Variants in BAIAP2L2 observed in about 807,000 individuals in gnomAD.
BAIAP2L2 encodes the protein BAR/IMD domain-containing adapter protein 2-like 2.
Under a neutral mutation model 60.4 loss-of-function variants are expected in BAIAP2L2, and 65 were observed. The ratio of observed to expected loss-of-function variants is 1.08; its 90% CI spans 0.88 to 1.32. BAIAP2L2 has a LOEUF of 1.32. Ranked by LOEUF, BAIAP2L2 falls within the 40% of genes most tolerant of loss-of-function variation. The pLI, the probability that BAIAP2L2 is intolerant of heterozygous loss-of-function variation, is 0.00. For synonymous variants in BAIAP2L2, 344 were observed against 301.7 expected, an observed-to-expected ratio of 1.14 and a Z score of -1.45; for missense variants, 836 against 741.2, an observed-to-expected ratio of 1.13 and a Z score of -1.48.
chr22:38,100,526 CAATA>C (rs56224721), intron 4 of BAIAP2L2, among the ~76,000 whole-genome samples: 17,657 of 139,726 alleles, frequency 0.13, 1,298 homozygotes, highest in Non-Finnish European at 0.16. Context: ...AACTCCGTCT[CAATA>C]AATAAATAAA....
intron 4 of BAIAP2L2, among the ~76,000 whole-genome samples, chr22:38,101,908 T>A (rs2086576982): frequency 1.3e-5 from 2 of 151,348 alleles, no homozygotes; most frequent in African/African-American, 4.9e-5. Context: ...AAGAAAAAAA[T>A]AAACTCAAGA....
chr22:38,092,718 T>C (rs1602006083), intron 7 of BAIAP2L2, among the ~76,000 whole-genome samples: 1 of 152,164 alleles, frequency 6.6e-6, no homozygotes, highest in Non-Finnish European at 1.5e-5. Flanking sequence ...GTTTGGATAT[T>C]TGTCCTCTCT....
chr22:38,100,354 C>T (rs931274453), intron 4 of BAIAP2L2, among the ~76,000 whole-genome samples: 1 of 151,806 alleles, frequency 6.6e-6, no homozygotes. Context: ...GCTGAAACCC[C>T]GTCTCTACTA....
chr22:38,085,852 C>T, intron 12 of BAIAP2L2, 120 bp from the exon 13 acceptor site: 1 of 1,019,466 alleles, frequency 9.8e-7, no homozygotes, highest in South Asian at 1.6e-5. Context: ...CCCTGCCATG[C>T]CAGGCTCCTG....
chr22:38,085,677 A>G lies in BAIAP2L2; in HGVS notation c.1514+9T>C. On this transcript the variant is annotated intron_variant, in intron 13 of 13. Coordinates refer to ENST00000381669, the MANE Select transcript of BAIAP2L2 (RefSeq NM_025045.6). ...TCCTCACTGTTTGGGCCCCCATGTG[A>G]GGACTCACCTCGGGAAGAGCTCCTG... 6.2e-7 allele frequency: 1 copy of G among 1,613,128 alleles called. No homozygotes were observed. Among genetic ancestry groups the G allele is most frequent in the Non-Finnish European group, 8.5e-7 (1 of 1,179,684 alleles).
chr22:38,110,361 T>A, intron 1 of BAIAP2L2, 114 bp downstream of exon 1: 3 of 1,126,260 alleles, frequency 2.7e-6, no homozygotes, highest in Non-Finnish European at 3.9e-6. Context: ...GGCTCCAGGC[T>A]TCCCTTTCCA....
At chr22:38,106,217 T>C (rs2086661788) in intron 4 of BAIAP2L2, among the ~76,000 whole-genome samples, 2 of 152,144 alleles carry the variant, frequency 1.3e-5, no homozygotes, top group Admixed American at 6.6e-5. Flanking sequence ...GTGCATTTAC[T>C]AATAGAAAGA....
intron 10 of BAIAP2L2, among the ~76,000 whole-genome samples, chr22:38,087,699 A>G (rs2086137801): frequency 6.6e-6 from 1 of 151,388 alleles, no homozygotes; most frequent in Admixed American, 6.6e-5. Flanking sequence ...CCGCCCAGCT[A>G]TGGACCTTCG....
In BAIAP2L2 at chr22:38,110,539, C is replaced by G; in HGVS notation, c.-14G>C. ...CTCGGGGGCCATGGAGGGGCTGTCC[C>G]GGGTCTGAGCAGGAGGCTGGGAGCT... On this transcript the variant is annotated 5_prime_UTR_variant, in exon 1 of 14. Transcript: ENST00000381669. 1 of 1,606,340 alleles carries G rather than the reference C, an allele frequency of 6.2e-7. No individual in the cohort carries two copies. Among genetic ancestry groups the G allele is most frequent in the Non-Finnish European group, 8.5e-7 (1 of 1,176,058 alleles).
chr22:38,102,557 A>G (rs969426879), intron 4 of BAIAP2L2, among the ~76,000 whole-genome samples: 9 of 152,146 alleles, frequency 5.9e-5, no homozygotes, highest in Non-Finnish European at 1.3e-4. Flanking sequence ...AATATGGAAG[A>G]GAATAACATT....
In BAIAP2L2 at chr22:38,085,699, C is replaced by T. The variant is rs1394594680; in HGVS notation, c.1501G>A (p.Glu501Lys). 4 of 1,612,564 alleles carry T rather than the reference C, an allele frequency of 2.5e-6. No homozygotes were observed. The highest frequency in any genetic ancestry group is 2.7e-5 in the African/African-American group (2 of 74,842). ...LMSSEQYPPQELFPRGTNPFA... is the reference protein window; with the variant it reads ...LMSSEQYPPQKLFPRGTNPFA... ...GTGAGGACTCACCTCGGGAAGAGCT[C>T]CTGTGGTGGGTACTGCTCTGAGGAC... is the stretch of plus-strand genomic sequence containing the variant. Residue 501 changes from glutamate to lysine, a missense_variant, in exon 13 of 14, where the codon GAG (glutamate) becomes AAG (lysine). Coordinates refer to ENST00000381669, the MANE Select transcript of BAIAP2L2 (RefSeq NM_025045.6).
At chr22:38,106,656 A>G in intron 4 of BAIAP2L2, among the ~76,000 whole-genome samples, 1 of 151,952 alleles carries the variant, frequency 6.6e-6, no homozygotes. Context: ...ATTAGTTAAA[A>G]TTTCCTTCCG....
At chr22:38,096,638 A>G (rs933113075) in intron 7 of BAIAP2L2, among the ~76,000 whole-genome samples, 3 of 152,182 alleles carry the variant, frequency 2.0e-5, no homozygotes, top group African/African-American at 7.2e-5. Flanking sequence ...CTGGGCAACA[A>G]GAGTGAAACT....
At chr22:38,108,855 G>C (rs1355999390) in intron 2 of BAIAP2L2, among the ~76,000 whole-genome samples, 1 of 151,976 alleles carries the variant, frequency 6.6e-6, no homozygotes, top group East Asian at 1.9e-4. Flanking sequence ...GGCTGTGTGG[G>C]CCTGCAGGGC....
In BAIAP2L2 at chr22:38,107,896, T is replaced by G. The variant is rs769750322; in HGVS notation, c.232A>C (p.Met78Leu). ...SQILGEILVQ[M>L]SDTQRHLNSD... ...TTCAAGTGCCGCTGGGTGTCAGACA[T>G]CTGCACCAAGATCTCCCCTGGAGGC... The change falls in exon 4 of 14, where the codon ATG (methionine) becomes CTG (leucine). Residue 78 changes from methionine to leucine, a missense_variant. Met to Leu is a conservative substitution (Grantham distance 15, BLOSUM62 2). Coordinates refer to ENST00000381669, the MANE Select transcript of BAIAP2L2 (RefSeq NM_025045.6). 11 of 1,613,348 alleles carry G rather than the reference T, an allele frequency of 6.8e-6. No homozygotes were observed. Among genetic ancestry groups the G allele is most frequent in the Non-Finnish European group, 9.3e-6 (11 of 1,179,936 alleles).
At chr22:38,095,128 G>T (rs1363397555) in intron 7 of BAIAP2L2, among the ~76,000 whole-genome samples, 1 of 152,136 alleles carries the variant, frequency 6.6e-6, no homozygotes, top group Non-Finnish European at 1.5e-5. Context: ...TCCAGCCTGG[G>T]CAACAGAGCA....
At chr22:38,098,341 C>G (rs1205935050) in intron 5 of BAIAP2L2, 70 bp downstream of exon 5, 1 of 1,516,842 alleles carries the variant, frequency 6.6e-7, no homozygotes, top group Non-Finnish European at 9.1e-7. Context: ...CTGTGTGTGC[C>G]TACCTGTCAA....
intron 13 of BAIAP2L2, 77 bp from the exon 14 acceptor site, chr22:38,085,452 C>T: frequency 6.7e-7 from 1 of 1,487,338 alleles, no homozygotes; most frequent in Admixed American, 1.8e-5. Flanking sequence ...GGCAGCTGGG[C>T]AACTGAGCTG....
Position 38,088,804 on chromosome 22 carries a change from C to T in BAIAP2L2, c.1062G>A (p.Val354=). Residue 354 remains valine (V), a synonymous_variant, in exon 10 of 14, where the codon GTG becomes GTA. Coordinates refer to ENST00000381669, the MANE Select transcript of BAIAP2L2 (RefSeq NM_025045.6). ...AGCCGTTCTGGGCCTCGGGCACCAACACCTCCACCACGTCCCCAGCGGAGA... is the reference window on the plus strand; with the variant it reads ...AGCCGTTCTGGGCCTCGGGCACCAATACCTCCACCACGTCCCCAGCGGAGA... ...LRFSAGDVVE[V]LVPEAQNGWL... is the part of the protein sequence containing the mutation. 1 of 1,601,250 alleles carries T rather than the reference C, an allele frequency of 6.2e-7. No homozygotes were observed. Among genetic ancestry groups the T allele is most frequent in the Non-Finnish European group, 8.5e-7 (1 of 1,179,666 alleles).
Sources: allele counts gnomAD v4.1 joint callset (sites outside exome capture counted in the v4.1 genomes callset), GRCh38; gene constraint gnomAD v4.1.1; transcripts MANE v1.5; gene names NCBI Gene and HGNC (gene_info 2026-07-23, HGNC 2026-07-21).